Variants in COLEC12 observed in about 807,000 individuals in gnomAD.
COLEC12 encodes the protein collectin subfamily member 12.
A neutral mutation model predicts 71.1 loss-of-function variants in COLEC12; 33 were observed. The observed-to-expected ratio is 0.46, with a 90% confidence interval of 0.35 to 0.62. The LOEUF (loss-of-function observed/expected upper bound fraction) is 0.62. COLEC12 is among the 20% of genes least tolerant of loss of function. COLEC12 has a pLI of 0.00. For synonymous variants in COLEC12, 350 were observed against 353.0 expected (o/e 0.99, Z 0.10); for missense variants, 765 against 916.1 (o/e 0.84, Z 2.13).
chr18:459,039 G>A (rs1172378428), intron 2 of COLEC12, among the ~76,000 whole-genome samples: 1 of 152,130 alleles, frequency 6.6e-6, no homozygotes, highest in African/African-American at 2.4e-5. Flanking sequence ...CTGGGGGCTG[G>A]GAGAGGTCTC....
rs1598338990 is a variant in COLEC12 at position 362,684 on chromosome 18, T to C, written c.59-5162A>G. ...AGTGAAGCAGTGCTGCCCCTCACCATTAAGAGATCCAGCGTGCCAAAGAAC... is the reference window on the plus strand; with the variant it reads ...AGTGAAGCAGTGCTGCCCCTCACCACTAAGAGATCCAGCGTGCCAAAGAAC... On this transcript the variant is annotated intron_variant, in intron 2 of 9. Coordinates refer to ENST00000400256, the MANE Select transcript of COLEC12 (RefSeq NM_130386.3). This position sits in a 1 kb window ranked among gnomAD's most constrained non-coding sequence, Gnocchi z 4.6. Among the ~76,000 whole-genome samples the C allele has an allele frequency of 6.6e-6, 1 of 152,072 alleles. No homozygotes were observed. The highest frequency in any genetic ancestry group is 1.9e-4 in the East Asian group (1 of 5,184).
intron 2 of COLEC12, among the ~76,000 whole-genome samples, chr18:382,090 G>A (rs1012160242): frequency 1.8e-4 from 27 of 152,158 alleles, no homozygotes; most frequent in African/African-American, 4.8e-5. Context: ...CACCCATGGC[G>A]GAGTTGGAAC....
rs368030092 is a variant in COLEC12 at position 346,931 on chromosome 18, T to C, written c.691A>G (p.Ser231Gly). ...TNLQRSVDDT[S>G]QAIQRIKNDF... ...TTCTTGATTCGCTGGATAGCCTGGC[T>C]TGTGTCATCCACAGACCGCTGCAGA... Residue 231 changes from serine (S) to glycine (G), a missense_variant, in exon 5 of 10, where the codon AGC (serine) becomes GGC (glycine). By Grantham distance (56) the Ser-to-Gly change is moderately conservative. Coordinates refer to ENST00000400256, the MANE Select transcript of COLEC12 (RefSeq NM_130386.3). This position sits in a 1 kb window ranked among gnomAD's most constrained non-coding sequence, Gnocchi z 4.0. The C allele has an allele frequency of 5.0e-6, 8 of 1,614,098 alleles. No homozygotes were observed. The African/African-American group carries it at 1.1e-4, about 22-fold the overall frequency.
intron 1 of COLEC12, among the ~76,000 whole-genome samples, chr18:493,374 C>G (rs967280429): frequency 6.6e-6 from 1 of 152,184 alleles, no homozygotes; most frequent in African/African-American, 2.4e-5. Flanking sequence ...GCCCTCCTCT[C>G]TTTTAAGACA....
At chr18:398,856 C>T (rs1915622727) in intron 2 of COLEC12, among the ~76,000 whole-genome samples, 1 of 152,218 alleles carries the variant, frequency 6.6e-6, no homozygotes, top group African/African-American at 2.4e-5. Context: ...CAGCTTTGAC[C>T]TCACGTTCCA....
chr18:442,897 C>T (rs1916572478), intron 2 of COLEC12, among the ~76,000 whole-genome samples: 1 of 152,124 alleles, frequency 6.6e-6, no homozygotes, highest in Non-Finnish European at 1.5e-5. Flanking sequence ...GGAGGTGGAG[C>T]TTGCAGTGAG....
intron 2 of COLEC12, among the ~76,000 whole-genome samples, chr18:446,710 A>G (rs774907638): frequency 2.6e-5 from 4 of 152,114 alleles, no homozygotes; most frequent in Non-Finnish European, 5.9e-5. Context: ...TTGTCTTATT[A>G]AAACAAGTCC....
intron 1 of COLEC12, among the ~76,000 whole-genome samples, chr18:497,766 T>C (rs1417656238): frequency 6.6e-6 from 1 of 152,230 alleles, no homozygotes; most frequent in Non-Finnish European, 1.5e-5. Context: ...TTCTATCATG[T>C]TGGCTTTCTG....
At chr18:335,285 T>C (rs1353872607) in intron 5 of COLEC12, 55 bp from the exon 6 acceptor site, 2 of 1,528,132 alleles carry the variant, frequency 1.3e-6, no homozygotes, top group East Asian at 2.4e-5. Context: ...ATGATAGTTA[T>C]GAATAATTTT....
At chr18:492,198 A>C (rs1186922044) in intron 1 of COLEC12, among the ~76,000 whole-genome samples, 1 of 152,188 alleles carries the variant, frequency 6.6e-6, no homozygotes, top group Non-Finnish European at 1.5e-5. Flanking sequence ...ATTCAATTGC[A>C]CAGTTTTTTC....
chr18:345,477 T>C (rs1914350813), intron 5 of COLEC12, among the ~76,000 whole-genome samples: 1 of 152,192 alleles, frequency 6.6e-6, no homozygotes, highest in African/African-American at 2.4e-5. Flanking sequence ...CCTCCGAAAG[T>C]GTTAAGATTA....
intron 9 of COLEC12, among the ~76,000 whole-genome samples, 157 bp downstream of exon 9, chr18:321,505 T>A (rs1185843067): frequency 1.3e-5 from 2 of 152,260 alleles, no homozygotes; most frequent in Non-Finnish European, 1.5e-5. Flanking sequence ...CTATTACTAT[T>A]TCCCTGAGGT....
At chr18:436,036 A>T (rs1916396871) in intron 2 of COLEC12, among the ~76,000 whole-genome samples, 1 of 152,334 alleles carries the variant, frequency 6.6e-6, no homozygotes, top group South Asian at 2.1e-4. Flanking sequence ...TAATGGGCAT[A>T]GTATGTCAGC....
intron 5 of COLEC12, among the ~76,000 whole-genome samples, chr18:344,977 C>A (rs958274633): frequency 3.9e-5 from 6 of 152,218 alleles, no homozygotes; most frequent in African/African-American, 1.4e-4. Context: ...CTGCCTTCAG[C>A]CTCACAGGGG....
At chr18:497,109 G>A (rs1178693820) in intron 1 of COLEC12, among the ~76,000 whole-genome samples, 2 of 152,136 alleles carry the variant, frequency 1.3e-5, no homozygotes, top group Admixed American at 1.3e-4. Context: ...ATATAATGAT[G>A]TCATTATTTT....
intron 2 of COLEC12, among the ~76,000 whole-genome samples, chr18:378,743 T>C (rs1156304838): frequency 6.6e-6 from 1 of 152,212 alleles, no homozygotes; most frequent in Non-Finnish European, 1.5e-5. Flanking sequence ...TTCAAGACCC[T>C]TCTTCTCTAC....
At chr18:495,513 C>A (rs1197840510) in intron 1 of COLEC12, among the ~76,000 whole-genome samples, 1 of 152,200 alleles carries the variant, frequency 6.6e-6, no homozygotes, top group South Asian at 2.1e-4. Context: ...GTAAGCAAAA[C>A]CTCCCAGAAG....
chr18:363,791 T>C (rs2143515648), intron 2 of COLEC12, among the ~76,000 whole-genome samples: 1 of 152,316 alleles, frequency 6.6e-6, no homozygotes, highest in African/African-American at 2.4e-5. Context: ...ATTTACTAAA[T>C]GATGAAATAT....
At chr18:405,337 T>G (rs995366580) in intron 2 of COLEC12, among the ~76,000 whole-genome samples, 2 of 152,184 alleles carry the variant, frequency 1.3e-5, no homozygotes, top group African/African-American at 2.4e-5. Context: ...GCTTATTAGT[T>G]CTGCTTTTTG....
Sources: gnomAD v4.1 joint callset for allele counts (sites outside exome capture counted in the v4.1 genomes callset) on GRCh38, gnomAD v4.1.1 for gene constraint, Gnocchi (gnomAD v3.1) non-coding constraint, MANE v1.5 for transcripts, NCBI Gene and HGNC (gene_info 2026-07-23, HGNC 2026-07-21) for gene names.